CADM2: variants seen among roughly 807,000 people sequenced by gnomAD.
CADM2 encodes the protein cell adhesion molecule 2, also known as immunoglobulin superfamily member 4D.
A neutral mutation model predicts 49.8 loss-of-function variants in CADM2; 12 were observed. The ratio of observed to expected loss-of-function variants is 0.24; its 90% CI spans 0.15 to 0.39. The LOEUF is 0.39. CADM2 is among the 10% of genes least tolerant of loss of function. The probability of loss-of-function intolerance (pLI) is 1.00; values close to 1 mark genes in which losing one functional copy is unlikely to be tolerated. For missense variants in CADM2, 378 were observed against 492.3 expected (o/e 0.77, Z 2.20); for synonymous variants, 214 against 175.4 (o/e 1.22, Z -1.74).
At chr3:86,030,510 T>A (rs1734426963) in intron 8 of CADM2, among the ~76,000 whole-genome samples, 1 of 152,006 alleles carries the variant, frequency 6.6e-6, no homozygotes, top group Non-Finnish European at 1.5e-5. Flanking sequence ...TACTCTTCCT[T>A]AGGATATATG....
intron 1 of CADM2, among the ~76,000 whole-genome samples, chr3:85,144,702 A>T (rs560379729): frequency 1.3e-5 from 2 of 152,254 alleles, no homozygotes; most frequent in South Asian, 4.2e-4. Context: ...GTTAATATTT[A>T]TTCTTGAGTA....
chr3:85,220,670 A>G (rs2042024331), intron 1 of CADM2, among the ~76,000 whole-genome samples: 1 of 152,146 alleles, frequency 6.6e-6, no homozygotes, highest in African/African-American at 2.4e-5. Context: ...CATTAGAACT[A>G]TATTTTAAGG....
intron 2 of CADM2, among the ~76,000 whole-genome samples, chr3:85,758,672 A>G (rs570367316): frequency 1.6e-4 from 25 of 152,286 alleles, no homozygotes; most frequent in African/African-American, 5.5e-4. Flanking sequence ...AAACTTAAAG[A>G]CAAATATTAC....
rs954732314 is a variant in CADM2, at chr3:85,521,891, C to T, written c.62-204631C>T. Among the ~76,000 whole-genome samples the T allele has an allele frequency of 3.3e-5, 5 of 152,050 alleles. No individual in the cohort carries two copies. The East Asian group carries it at 7.7e-4, about 23-fold the overall frequency. On this transcript the variant is annotated intron_variant, in intron 1 of 9. Transcript: ENST00000383699. ...TGAAAATGAATGCTGCACTGAACCA[C>T]ACTTACTGATGGGATTCTGCCCTCT...
At chr3:85,001,623 T>C (rs1227248505) in intron 1 of CADM2, among the ~76,000 whole-genome samples, 2 of 152,118 alleles carry the variant, frequency 1.3e-5, no homozygotes, top group Non-Finnish European at 2.9e-5. Flanking sequence ...CAGACAATAC[T>C]ATTTATCTTA....
chr3:85,291,915 C>G (rs1328984510), intron 1 of CADM2, among the ~76,000 whole-genome samples: 1 of 151,516 alleles, frequency 6.6e-6, no homozygotes, highest in East Asian at 1.9e-4. Flanking sequence ...ATCATAATGA[C>G]AGGATCAAAT....
chr3:85,446,794 G>A (rs1576571203), intron 1 of CADM2, among the ~76,000 whole-genome samples: 2 of 149,442 alleles, frequency 1.3e-5, no homozygotes, highest in Non-Finnish European at 3.0e-5. Flanking sequence ...TAGAGATGGG[G>A]TTTCTCCATG....
chr3:85,231,627 G>A (rs369928984), intron 1 of CADM2, among the ~76,000 whole-genome samples: 12 of 151,326 alleles, frequency 7.9e-5, no homozygotes, highest in African/African-American at 2.9e-4. Context: ...AGATATAGAT[G>A]GATAGTTTTT....
chr3:85,929,527 CAT>C (rs1445212770), intron 6 of CADM2, among the ~76,000 whole-genome samples: 4 of 151,782 alleles, frequency 2.6e-5, no homozygotes, highest in Non-Finnish European at 4.4e-5. Context: ...AGTGGAGTAA[CAT>C]ATTAAGTGCA....
At chr3:85,024,761 TGTGTAAA>T (rs1418274466) in intron 1 of CADM2, among the ~76,000 whole-genome samples, 5 of 151,942 alleles carry the variant, frequency 3.3e-5, no homozygotes, top group Non-Finnish European at 5.9e-5. Flanking sequence ...GTAAAGCAGC[TGTGTAAA>T]GGAAGCAAGT....
At chr3:85,370,010 T>G (rs529216707) in intron 1 of CADM2, among the ~76,000 whole-genome samples, 288 of 151,778 alleles carry the variant, frequency 1.9e-3, no homozygotes, top group South Asian at 0.017. Flanking sequence ...AAAGAGAAGA[T>G]ATGTTTATCC....
chr3:86,055,484 T>G (rs1398510177), intron 8 of CADM2, among the ~76,000 whole-genome samples: 1 of 127,264 alleles, frequency 7.9e-6, no homozygotes, highest in Non-Finnish European at 1.6e-5. Flanking sequence ...TTTTTTGGTT[T>G]TAGAGGGATT....
Position 85,456,366 on chromosome 3 carries a change from A to C in CADM2, c.62-270156A>C, listed in dbSNP as rs2037990266. Among the ~76,000 whole-genome samples the C allele has an allele frequency of 2.0e-5, 3 of 152,266 alleles. No homozygotes were observed. In the South Asian group the frequency reaches 6.2e-4, roughly 32 times the overall value. Reference sequence around the variant, plus strand: ...AGATTTCCAGACCACACAATACTATAGCCAGTATTATGTAACACTTGGCTA... The same window carrying C: ...AGATTTCCAGACCACACAATACTATCGCCAGTATTATGTAACACTTGGCTA... On this transcript the variant is annotated intron_variant, in intron 1 of 9. Transcript: ENST00000383699.
rs552347750 is a variant in CADM2, at chr3:85,936,301, C to T, written c.791+444C>T. Among the ~76,000 whole-genome samples the T allele has an allele frequency of 5.9e-5, 9 of 151,558 alleles. 1 individual carries two copies. Among genetic ancestry groups the T allele is most frequent in the African/African-American group, 2.2e-4 (9 of 41,410 alleles). The stretch of plus-strand genomic sequence containing the variant: ...CGAATCTATATTTCTTATGAAACAC[C>T]CAATGAAACAAGTAATGGGTCACAA... On this transcript the variant is annotated intron_variant, in intron 7 of 9. Coordinates refer to ENST00000383699, the MANE Select transcript of CADM2 (RefSeq NM_001167675.2).
chr3:85,083,952 C>T (rs1320468346), intron 1 of CADM2, among the ~76,000 whole-genome samples: 3 of 152,018 alleles, frequency 2.0e-5, no homozygotes, highest in Admixed American at 2.0e-4. Context: ...GCATTTCTAC[C>T]CACCATAAAT....
intron 1 of CADM2, among the ~76,000 whole-genome samples, chr3:85,001,195 C>G (rs1454930001): frequency 6.6e-6 from 1 of 151,474 alleles, no homozygotes; most frequent in South Asian, 2.1e-4. Context: ...GTCCCTTTCT[C>G]TCTCATCTCC....
intron 1 of CADM2, among the ~76,000 whole-genome samples, chr3:85,478,930 T>C (rs2039092972): frequency 6.6e-6 from 1 of 151,814 alleles, no homozygotes; most frequent in South Asian, 2.1e-4. Flanking sequence ...TTATGAAGTT[T>C]TGTTTTTATT....
chr3:86,011,649 T>A lies in CADM2; in HGVS notation c.970+50002T>A, dbSNP rs929787236. Among the ~76,000 whole-genome samples, 2 of 152,110 alleles carry A rather than the reference T, an allele frequency of 1.3e-5. 1 individual carries two copies. Among genetic ancestry groups the A allele is most frequent in the South Asian group, 4.1e-4 (2 of 4,820 alleles). On this transcript the variant is annotated intron_variant, in intron 8 of 9. Transcript: ENST00000383699. Reference sequence around the variant, plus strand: ...ACAGGGTCCTAAATTTTAGAAGTCCTTGCACAATTGGGACAGCCAATGCCA... The same window carrying A: ...ACAGGGTCCTAAATTTTAGAAGTCCATGCACAATTGGGACAGCCAATGCCA...
intron 1 of CADM2, among the ~76,000 whole-genome samples, chr3:85,026,347 A>G (rs2034726004): frequency 6.6e-6 from 1 of 152,204 alleles, no homozygotes; most frequent in African/African-American, 2.4e-5. Flanking sequence ...TAGATGTACA[A>G]TTATGATTAT....
Sources: gnomAD v4.1 joint callset for allele counts (sites outside exome capture counted in the v4.1 genomes callset) on GRCh38, gnomAD v4.1.1 for gene constraint, MANE v1.5 for transcripts, NCBI Gene and HGNC (gene_info 2026-07-23, HGNC 2026-07-21) for gene names.